PLSCR2: variants seen among roughly 807,000 people sequenced by gnomAD.
PLSCR2 encodes phospholipid scramblase 2, also known as PL scramblase 2.
PLSCR2 carries 18 observed loss-of-function variants against 25.3 expected under a neutral mutation model. The ratio of observed to expected loss-of-function variants is 0.71; its 90% confidence interval spans 0.49 to 1.06. The LOEUF (loss-of-function observed/expected upper bound fraction) is 1.06. PLSCR2 is among the 50% of genes least tolerant of loss of function. The pLI, the probability that PLSCR2 is intolerant of heterozygous loss-of-function variation, is 0.00. For missense variants in PLSCR2, 243 were observed against 269.5 expected, an observed-to-expected ratio of 0.90 and a Z score of 0.69; for synonymous variants, 88 against 87.3, an observed-to-expected ratio of 1.01 and a Z score of -0.04.
chr3:146,493,909 T>A (rs2043651240), intron 1 of PLSCR2, among the ~76,000 whole-genome samples: 1 of 151,696 alleles, frequency 6.6e-6, no homozygotes, highest in Admixed American at 6.6e-5. Flanking sequence ...AGATAATATG[T>A]TTATGGTTTT....
intron 5 of PLSCR2, among the ~76,000 whole-genome samples, chr3:146,451,672 G>C (rs966053636): frequency 5.9e-5 from 9 of 152,172 alleles, no homozygotes; most frequent in African/African-American, 1.9e-4. Flanking sequence ...TTAGAGGATT[G>C]AATCATTCAG....
intron 2 of PLSCR2, among the ~76,000 whole-genome samples, chr3:146,400,120 A>C (rs959261585): frequency 3.3e-5 from 5 of 151,856 alleles, no homozygotes; most frequent in African/African-American, 1.2e-4. Context: ...TCCAGAATCC[A>C]GAGAGTAAAT....
chr3:146,488,330 G>C (rs573096835), intron 1 of PLSCR2, among the ~76,000 whole-genome samples: 1 of 152,114 alleles, frequency 6.6e-6, no homozygotes, highest in Admixed American at 6.6e-5. Flanking sequence ...TAACAAACGG[G>C]ACTTAATTAA....
At chr3:146,488,986 C>T (rs1663086) in intron 1 of PLSCR2, among the ~76,000 whole-genome samples, 49,089 of 151,934 alleles carry the variant, frequency 0.32, 7,977 homozygotes, top group South Asian at 0.41. Flanking sequence ...ACTACGCAGC[C>T]ATAAAAAGGA....
At chr3:146,495,954 A>G (rs770250766), upstream of PLSCR2, 304 of 1,525,926 alleles carry the variant, frequency 2.0e-4, no homozygotes, top group Middle Eastern at 1.7e-3. Context: ...AGAGTCTCTC[A>G]GAATTATTGC....
At chr3:146,444,385 A>T (rs543749084) in intron 6 of PLSCR2, among the ~76,000 whole-genome samples, 2 of 149,644 alleles carry the variant, frequency 1.3e-5, no homozygotes, top group Non-Finnish European at 3.0e-5. Context: ...CTGTTATTGT[A>T]TTGGGGTCTA....
At chr3:146,449,503 T>C (rs2040769515) in intron 5 of PLSCR2, 136 bp from the exon 6 acceptor site, 1 of 527,062 alleles carries the variant, frequency 1.9e-6, no homozygotes, top group African/African-American at 1.9e-5. Flanking sequence ...TAATATGTTA[T>C]ATTAGATGCA....
At chr3:146,403,345 G>A (rs1256021094) in intron 2 of PLSCR2, among the ~76,000 whole-genome samples, 1 of 152,128 alleles carries the variant, frequency 6.6e-6, no homozygotes, top group Non-Finnish European at 1.5e-5. Flanking sequence ...CTGCATCGAG[G>A]TCACCTGGAG....
chr3:146,483,192 G>GA (rs529109615), intron 1 of PLSCR2, among the ~76,000 whole-genome samples: 5 of 131,324 alleles, frequency 3.8e-5, no homozygotes, highest in South Asian at 2.5e-4. Flanking sequence ...AAATTTACAA[G>GA]AAAAAAAACA....
chr3:146,422,764 C>T (rs2039193056), intron 2 of PLSCR2, among the ~76,000 whole-genome samples: 1 of 152,076 alleles, frequency 6.6e-6, no homozygotes, highest in Non-Finnish European at 1.5e-5. Context: ...TCTCCCAAGA[C>T]CTTCCTCCAA....
At chr3:146,394,967 T>C (rs950336074) in intron 3 of PLSCR2, among the ~76,000 whole-genome samples, 1 of 152,196 alleles carries the variant, frequency 6.6e-6, no homozygotes, top group Non-Finnish European at 1.5e-5. Context: ...GTGGAAAAGG[T>C]GCCTGCTTCC....
chr3:146,491,907 G>A (rs1009492203), intron 1 of PLSCR2, among the ~76,000 whole-genome samples: 4 of 152,110 alleles, frequency 2.6e-5, no homozygotes, highest in African/African-American at 9.7e-5. Context: ...AAGACACTCT[G>A]GCTTTAAGAG....
intron 1 of PLSCR2, among the ~76,000 whole-genome samples, chr3:146,465,633 G>C (rs1224334272): frequency 6.7e-6 from 1 of 148,954 alleles, no homozygotes; most frequent in Non-Finnish European, 1.5e-5. Flanking sequence ...CCCAAGCAGA[G>C]ACATAGGTTC....
upstream of PLSCR2, among the ~76,000 whole-genome samples, chr3:146,462,744 C>T (rs1442334816): frequency 6.6e-6 from 1 of 152,136 alleles, no homozygotes; most frequent in African/African-American, 2.4e-5. Context: ...GGATTATAGT[C>T]GTGAGTCACT....
At chr3:146,456,026 G>T (rs2041198572) in intron 3 of PLSCR2, among the ~76,000 whole-genome samples, 1 of 152,078 alleles carries the variant, frequency 6.6e-6, no homozygotes, top group Non-Finnish European at 1.5e-5. Context: ...TCGGACTCAG[G>T]GCACCCTTAT....
intron 1 of PLSCR2, among the ~76,000 whole-genome samples, chr3:146,480,744 T>C (rs2043101288): frequency 6.6e-6 from 1 of 152,176 alleles, no homozygotes. Flanking sequence ...AAGGCCAGCA[T>C]CATCCTAATA....
At chr3:146,409,022 C>T (rs568405721) in intron 2 of PLSCR2, among the ~76,000 whole-genome samples, 1 of 152,250 alleles carries the variant, frequency 6.6e-6, no homozygotes, top group Non-Finnish European at 1.5e-5. Flanking sequence ...TTGAAAGGAG[C>T]TGTTGGCAAT....
upstream of PLSCR2, among the ~76,000 whole-genome samples, chr3:146,464,308 A>G (rs540245028): frequency 6.6e-6 from 1 of 152,310 alleles, no homozygotes; most frequent in African/African-American, 2.4e-5. Context: ...AAATTGCATG[A>G]GCCAATTTCT....
chr3:146,424,997 T>C (rs965386047), intron 2 of PLSCR2, among the ~76,000 whole-genome samples: 12 of 29,782 alleles, frequency 4.0e-4, no homozygotes, highest in Admixed American at 2.7e-3. Context: ...AACCTCAGTA[T>C]ATATATATAT....
Sources: gnomAD v4.1 joint callset for allele counts (sites outside exome capture counted in the v4.1 genomes callset) on GRCh38, gnomAD v4.1.1 for gene constraint, MANE v1.5 for transcripts, NCBI Gene and HGNC (gene_info 2026-07-23, HGNC 2026-07-21) for gene names.